TIAM2: variants seen among roughly 807,000 people sequenced by gnomAD.
TIAM2 encodes the protein TIAM Rac1 associated GEF 2.
A neutral mutation model predicts 152.9 loss-of-function variants in TIAM2; 80 were observed. The observed-to-expected ratio is 0.52, with a 90% CI of 0.44 to 0.63. The LOEUF is 0.63. TIAM2 is among the 30% of genes least tolerant of loss of function. The pLI, the probability that TIAM2 is intolerant of heterozygous loss-of-function variation, is 0.00. For missense variants in TIAM2, 1,965 were observed against 2,120.1 expected (o/e 0.93, Z 1.44); for synonymous variants, 804 against 838.0 (o/e 0.96, Z 0.70).
At chr6:155,222,047 G>T (rs982563580) in intron 15 of TIAM2, among the ~76,000 whole-genome samples, 2 of 151,870 alleles carry the variant, frequency 1.3e-5, no homozygotes, top group Admixed American at 6.6e-5. Context: ...TCTGCCTCCC[G>T]GGTTCAAGCA....
At chr6:155,108,687 A>G (rs1778756916) in intron 2 of TIAM2, among the ~76,000 whole-genome samples, 1 of 152,080 alleles carries the variant, frequency 6.6e-6, no homozygotes, top group African/African-American at 2.4e-5. Context: ...TTGTGAAGAG[A>G]TTAGTTTTCC....
chr6:155,029,400 A>G (rs1202388532), intron 1 of TIAM2, among the ~76,000 whole-genome samples: 2 of 93,110 alleles, frequency 2.1e-5, no homozygotes, highest in East Asian at 5.4e-4. Flanking sequence ...TATATACTAT[A>G]GTATATATAA....
At position 155,250,898 on chromosome 6, in the gene TIAM2, G is replaced by T. The variant is rs1783616541; in HGVS notation, c.3952-15G>T. 3.7e-6 allele frequency: 6 copies of T among 1,612,840 alleles called. No individual in the cohort carries two copies. Among genetic ancestry groups the T allele is most frequent in the Non-Finnish European group, 5.1e-6 (6 of 1,178,962 alleles). On this transcript the variant is annotated splice_polypyrimidine_tract_variant and intron_variant, in intron 21 of 26. Coordinates refer to ENST00000682666, the MANE Select transcript of TIAM2 (RefSeq NM_012454.4). ...GATTTCCGTATCTTCCTTACCTCCTGTTTTTACAATCTAGGTAACAGAACT... is the reference window on the plus strand; with the variant it reads ...GATTTCCGTATCTTCCTTACCTCCTTTTTTTACAATCTAGGTAACAGAACT...
rs1459785173 is a variant in TIAM2, at chr6:155,182,142, G to A, written c.2708-84G>A. 4 of 1,107,784 alleles carry A rather than the reference G, an allele frequency of 3.6e-6. No individual in the cohort carries two copies. In the East Asian group the frequency reaches 7.1e-5, roughly 20 times the overall value. The allele number at this position is 1,107,784 out of a possible 1,614,324, so 68.6% of individuals were successfully genotyped here. On this transcript the variant is annotated intron_variant, in intron 12 of 26. Transcript: ENST00000682666. ...ACATACTGTACTTATGAGAAAAGAT[G>A]TTCAAGGAGATACTGCCGGTGTGGT...
chr6:155,004,320 T>A (rs867981283), intron 1 of TIAM2, among the ~76,000 whole-genome samples: 3 of 152,156 alleles, frequency 2.0e-5, no homozygotes, highest in African/African-American at 7.2e-5. Flanking sequence ...GTCAGAGTAG[T>A]CAAGGCCCAT....
intron 2 of TIAM2, among the ~76,000 whole-genome samples, chr6:155,102,226 G>A (rs888910793): frequency 2.7e-5 from 4 of 148,088 alleles, no homozygotes; most frequent in African/African-American, 1.0e-4. Context: ...CTGACCTCAA[G>A]TGGTCTGCCT....
intron 1 of TIAM2, among the ~76,000 whole-genome samples, chr6:155,059,486 A>AT (rs1425318521): frequency 2.0e-5 from 3 of 150,822 alleles, no homozygotes; most frequent in East Asian, 2.0e-4. Context: ...CAGCCAGCAA[A>AT]TTTTTTTTTA....
At position 155,179,542 on chromosome 6, in the gene TIAM2, C is replaced by T. The variant is rs890602156; in HGVS notation, c.2707+86C>T. The T allele has an allele frequency of 5.7e-6, 7 of 1,223,248 alleles. No homozygotes were observed. In the African/African-American group the frequency reaches 1.1e-4, roughly 19 times the overall value. The allele number at this position is 1,223,248 out of a possible 1,614,324, so 75.8% of individuals were successfully genotyped here. On this transcript the variant is annotated intron_variant, in intron 12 of 26. Transcript: ENST00000682666. ...CAGCATCTTTGGACTTAATTTTTTCCCCTTACATTCACATTTTCAGAATAT... is the reference window on the plus strand; with the variant it reads ...CAGCATCTTTGGACTTAATTTTTTCTCCTTACATTCACATTTTCAGAATAT...
At chr6:155,008,979 T>C (rs1401690355) in intron 1 of TIAM2, among the ~76,000 whole-genome samples, 1 of 151,792 alleles carries the variant, frequency 6.6e-6, no homozygotes, top group African/African-American at 2.4e-5. Flanking sequence ...GAAAGCACAT[T>C]AGGTATTGTT....
chr6:155,120,274 C>T (rs773884518), intron 2 of TIAM2, among the ~76,000 whole-genome samples: 4 of 152,166 alleles, frequency 2.6e-5, no homozygotes, highest in East Asian at 1.9e-4. Context: ...GAAGGAGTCC[C>T]GCTGAATTCA....
At chr6:155,057,013 C>CTTTTTT (rs1193342447) in intron 1 of TIAM2, among the ~76,000 whole-genome samples, 6 of 40,424 alleles carry the variant, frequency 1.5e-4, no homozygotes, top group Admixed American at 5.9e-4. Flanking sequence ...CCTCAGTTTT[C>CTTTTTT]TTTCTTTTTT....
chr6:155,220,272 T>C (rs913058743), intron 15 of TIAM2, among the ~76,000 whole-genome samples: 1 of 152,246 alleles, frequency 6.6e-6, no homozygotes, highest in African/African-American at 2.4e-5. Flanking sequence ...TGTTGAGTTA[T>C]TGAACGAGAC....
chr6:155,247,872 G>T, intron 19 of TIAM2, 128 bp from the exon 20 acceptor site: 2 of 1,203,112 alleles, frequency 1.7e-6, no homozygotes, highest in African/African-American at 1.5e-5. Flanking sequence ...TGATGTGTTG[G>T]GGTTTTCATT....
chr6:154,996,125 A>G (rs1384885122), intron 1 of TIAM2, among the ~76,000 whole-genome samples: 2 of 152,326 alleles, frequency 1.3e-5, no homozygotes, highest in South Asian at 2.1e-4. Context: ...CCCCTAATGG[A>G]TCCTATTTAC....
chr6:155,033,070 A>T (rs547126275), intron 1 of TIAM2, among the ~76,000 whole-genome samples: 32 of 152,222 alleles, frequency 2.1e-4, no homozygotes, highest in African/African-American at 7.7e-4. Flanking sequence ...ATGTGGTCAA[A>T]CTGGTCTAGA....
At chr6:155,228,797 G>A (rs1157595750) in intron 15 of TIAM2, among the ~76,000 whole-genome samples, 3 of 152,122 alleles carry the variant, frequency 2.0e-5, no homozygotes, top group South Asian at 2.1e-4. Context: ...CAAGCCCGAC[G>A]CTCCTCCTGT....
intron 6 of TIAM2, among the ~76,000 whole-genome samples, chr6:155,147,418 T>A (rs1779842834): frequency 6.6e-6 from 1 of 152,200 alleles, no homozygotes; most frequent in Admixed American, 6.5e-5. Flanking sequence ...GTGATTCTCC[T>A]GTCTCAGCTT....
In TIAM2 at chr6:155,129,567, G is replaced by T. The variant is rs2115037231; in HGVS notation, c.344G>T (p.Gly115Val). 1 of 1,614,124 alleles carries T rather than the reference G, an allele frequency of 6.2e-7. No homozygotes were observed. Among genetic ancestry groups the T allele is most frequent in the Non-Finnish European group, 8.5e-7 (1 of 1,180,032 alleles). The stretch of plus-strand genomic sequence containing the variant: ...AGTGCTGCTTTCTCAACTGAGAATG[G>T]CTTCCACTCTGTTGGCCACGAGCTG... ...GISAAFSTEN[G>V]FHSVGHELAD... Residue 115 changes from glycine (G) to valine (V), a missense_variant, in exon 4 of 27, where the codon GGC (glycine) becomes GTC (valine). By Grantham distance (109) the Gly-to-Val change is moderately radical. Around this residue, in one of 3 missense-constraint regions of TIAM2, gnomAD observed 1,025 missense variants for 1,119.4 expected, o/e 0.92. Coordinates refer to ENST00000682666, the MANE Select transcript of TIAM2 (RefSeq NM_012454.4). This position sits in a 1 kb window ranked among gnomAD's most constrained non-coding sequence, Gnocchi z 4.8.
chr6:155,029,292 T>C (rs150714307), intron 1 of TIAM2, among the ~76,000 whole-genome samples: 676 of 31,902 alleles, frequency 0.021, 52 homozygotes, highest in East Asian at 0.039. Flanking sequence ...GTGTTATATA[T>C]ACTATATGTA....
Sources: gnomAD v4.1 joint callset for allele counts (sites outside exome capture counted in the v4.1 genomes callset) on GRCh38, gnomAD v4.1.1 for gene constraint, gnomAD v4.1.1 regional missense constraint, Gnocchi (gnomAD v3.1) non-coding constraint, MANE v1.5 for transcripts, NCBI Gene and HGNC (gene_info 2026-07-23, HGNC 2026-07-21) for gene names.